Variants in POU6F2 observed in about 807,000 individuals in gnomAD.
POU6F2 encodes POU domain, class 6, transcription factor 2.
POU6F2 carries 31 observed loss-of-function variants against 71.3 expected under a neutral mutation model. The ratio of observed to expected loss-of-function variants is 0.43; its 90% CI spans 0.33 to 0.59. The LOEUF is 0.59. Among genes scored for constraint, POU6F2 ranks in the 20% least tolerant of loss-of-function variants. POU6F2 has a pLI of 0.04. For synonymous variants in POU6F2, 347 were observed against 355.7 expected (o/e 0.98, Z 0.27); for missense variants, 783 against 856.8 (o/e 0.91, Z 1.07).
At chr7:39,256,528 A>T (rs1298807779) in intron 4 of POU6F2, among the ~76,000 whole-genome samples, 3 of 152,204 alleles carry the variant, frequency 2.0e-5, no homozygotes, top group Non-Finnish European at 4.4e-5. Flanking sequence ...TAACCTCCAG[A>T]ACCTGTGAAC....
chr7:39,222,105 C>G (rs1459371905), intron 4 of POU6F2, among the ~76,000 whole-genome samples: 1 of 152,080 alleles, frequency 6.6e-6, no homozygotes, highest in Non-Finnish European at 1.5e-5. Context: ...TTAAAAAGAA[C>G]CATAGGCAAT....
intron 1 of POU6F2, among the ~76,000 whole-genome samples, chr7:38,996,075 T>C (rs1341419965): frequency 7.0e-6 from 1 of 143,236 alleles, no homozygotes; most frequent in Non-Finnish European, 1.5e-5. Context: ...ATTTTGCTCT[T>C]GTTACCCAGG....
At chr7:39,086,676 A>C (rs1791252005) in intron 2 of POU6F2, among the ~76,000 whole-genome samples, 1 of 152,206 alleles carries the variant, frequency 6.6e-6, no homozygotes, top group Admixed American at 6.5e-5. Context: ...AAGTAGAGGC[A>C]GCCCAAGACC....
At chr7:39,273,563 A>C (rs1170959895) in intron 4 of POU6F2, among the ~76,000 whole-genome samples, 1 of 152,218 alleles carries the variant, frequency 6.6e-6, no homozygotes, top group East Asian at 1.9e-4. Flanking sequence ...AGGCCAGAGG[A>C]GACTGGGGAG....
chr7:39,329,193 T>A (rs1785584156), intron 4 of POU6F2: 1 of 149,692 alleles, frequency 6.7e-6, no homozygotes, highest in Non-Finnish European at 1.5e-5. Flanking sequence ...ACATTGTAAA[T>A]CTGTATAAAA....
At chr7:39,290,327 G>A (rs528263155) in intron 4 of POU6F2, among the ~76,000 whole-genome samples, 1 of 152,034 alleles carries the variant, frequency 6.6e-6, no homozygotes, top group Non-Finnish European at 1.5e-5. Context: ...TGCACCTTTC[G>A]CTTGAGTAGC....
chr7:39,060,170 T>G (rs1790625684), intron 1 of POU6F2, among the ~76,000 whole-genome samples: 2 of 151,666 alleles, frequency 1.3e-5, no homozygotes, highest in Non-Finnish European at 2.9e-5. Context: ...ATTGTGCCAC[T>G]GCACTCTCGC....
intron 5 of POU6F2, among the ~76,000 whole-genome samples, chr7:39,376,628 A>T (rs1786715221): frequency 6.6e-6 from 1 of 152,186 alleles, no homozygotes. Flanking sequence ...ACCTAAGGCC[A>T]CATATGCCCA....
At chr7:39,029,119 G>A (rs775580149) in intron 1 of POU6F2, among the ~76,000 whole-genome samples, 2 of 152,076 alleles carry the variant, frequency 1.3e-5, no homozygotes, top group African/African-American at 2.4e-5. Context: ...ACTGCAACTG[G>A]CTAGATTTTC....
In POU6F2 at chr7:39,166,717, C is replaced by CT. The variant is rs1179651858; in HGVS notation, c.278-37516dup. Among the ~76,000 whole-genome samples, 3 of 152,096 alleles carry CT rather than the reference C, an allele frequency of 2.0e-5. No homozygotes were observed. In the East Asian group the frequency reaches 5.8e-4, roughly 29 times the overall value. On this transcript the variant is annotated intron_variant, in intron 2 of 9. Coordinates refer to ENST00000518318, the MANE Select transcript of POU6F2 (RefSeq NM_001370959.1). Reference sequence around the variant, plus strand: ...TGTGATCCTTGTTTATCCTGTTTACCTTAATGGATCCTGTCCAACTGCTGA... The same window carrying CT: ...TGTGATCCTTGTTTATCCTGTTTACCTTTAATGGATCCTGTCCAACTGCTGA...
chr7:38,989,316 C>A (rs17254711), intron 1 of POU6F2, among the ~76,000 whole-genome samples: 2,727 of 152,070 alleles, frequency 0.018, 33 homozygotes, highest in Admixed American at 0.029. Flanking sequence ...TGTATAAATT[C>A]TCTGAATAAA....
chr7:39,288,640 C>G (rs1385292080), intron 4 of POU6F2, among the ~76,000 whole-genome samples: 1 of 152,144 alleles, frequency 6.6e-6, no homozygotes, highest in Non-Finnish European at 1.5e-5. Flanking sequence ...AGTTTTCAAC[C>G]CATTCCCTAA....
chr7:39,106,132 G>C (rs1053174706), intron 2 of POU6F2, among the ~76,000 whole-genome samples: 1 of 152,278 alleles, frequency 6.6e-6, no homozygotes, highest in African/African-American at 2.4e-5. Flanking sequence ...CTACACACTC[G>C]GCTTTACTGT....
intron 6 of POU6F2, among the ~76,000 whole-genome samples, chr7:39,407,618 T>C (rs1787462636): frequency 6.6e-6 from 1 of 151,906 alleles, no homozygotes; most frequent in Admixed American, 6.6e-5. Context: ...GGAGCTAGCA[T>C]TCTCACAAAG....
chr7:39,204,901 CT>C (rs36029859), intron 3 of POU6F2, among the ~76,000 whole-genome samples: 40,478 of 125,948 alleles, frequency 0.32, 5,404 homozygotes, highest in East Asian at 0.68. Context: ...AAAGGCTGGG[CT>C]TTTTTTTTTT....
intron 5 of POU6F2, among the ~76,000 whole-genome samples, chr7:39,402,920 A>C (rs1787336126): frequency 6.6e-6 from 1 of 152,244 alleles, no homozygotes; most frequent in African/African-American, 2.4e-5. Context: ...AGTATAAACC[A>C]TCAGAACATT....
chr7:38,985,224 T>C (rs1274770632), intron 1 of POU6F2, among the ~76,000 whole-genome samples: 1 of 152,138 alleles, frequency 6.6e-6, no homozygotes, highest in Non-Finnish European at 1.5e-5. Context: ...AGCTAGTTAA[T>C]TTTGTAAGTC....
rs398004470 is a variant in POU6F2 at position 39,246,905 on chromosome 7, C to CTTTTTTTTTTT, written c.598+39298_598+39308dup. Among the ~76,000 whole-genome samples the CTTTTTTTTTTT allele has an allele frequency of 4.6e-3, 358 of 78,134 alleles. 28 individuals carry two copies. The highest frequency in any genetic ancestry group is 0.021 in the Middle Eastern group (2 of 96). The allele number at this position is 78,134 out of a possible 152,430, so 51.3% of individuals were successfully genotyped here. A position where few individuals can be genotyped will look rare whatever the true frequency, so the allele number is the denominator to read the frequency against. On this transcript the variant is annotated intron_variant, in intron 4 of 9. Coordinates refer to ENST00000518318, the MANE Select transcript of POU6F2 (RefSeq NM_001370959.1). ...CCAGCTCACCCCAAATCCAGGGTGG[C>CTTTTTTTTTTT]TTTTTTTTTTTTTTTTTTTTTTTGC...
intron 6 of POU6F2, among the ~76,000 whole-genome samples, chr7:39,412,557 TCTGA>T (rs1787570691): frequency 6.6e-6 from 1 of 152,166 alleles, no homozygotes; most frequent in African/African-American, 2.4e-5. Context: ...TATGTGTAAT[TCTGA>T]CTATGTGACT....
Sources: gnomAD v4.1 joint callset for allele counts (sites outside exome capture counted in the v4.1 genomes callset) on GRCh38, gnomAD v4.1.1 for gene constraint, MANE v1.5 for transcripts, NCBI Gene and HGNC (gene_info 2026-07-23, HGNC 2026-07-21) for gene names.